The following PTPRK variants were observed in gnomAD, a reference collection of about 807,000 sequenced individuals.
PTPRK encodes protein tyrosine phosphatase receptor type K, also known as receptor-type tyrosine-protein phosphatase kappa.
Under a neutral mutation model 178.0 loss-of-function variants are expected in PTPRK, and 75 were observed. The ratio of observed to expected loss-of-function variants is 0.42; its 90% CI spans 0.35 to 0.51. PTPRK has a LOEUF of 0.51. PTPRK is among the 20% of genes least tolerant of loss of function. The probability of loss-of-function intolerance (pLI) is 0.02; values close to 1 mark genes in which losing one functional copy is unlikely to be tolerated. For missense variants in PTPRK, 1,441 were observed against 1,797.8 expected, an observed-to-expected ratio of 0.80 and a Z score of 3.59; for synonymous variants, 637 against 620.6, an observed-to-expected ratio of 1.03 and a Z score of -0.39.
At chr6:128,184,905 G>C (rs938467767) in intron 6 of PTPRK, among the ~76,000 whole-genome samples, 180 bp from the exon 7 acceptor site, 1 of 152,072 alleles carries the variant, frequency 6.6e-6, no homozygotes, top group South Asian at 2.1e-4. Flanking sequence ...ATATAATTTT[G>C]CAAGTGCATA....
chr6:128,190,846 A>G (rs1044666772), intron 6 of PTPRK, among the ~76,000 whole-genome samples: 23 of 152,298 alleles, frequency 1.5e-4, no homozygotes, highest in African/African-American at 5.3e-4. Context: ...ATAAGCTTGT[A>G]CTGGTCAAAT....
At chr6:127,971,033 T>C (rs897108249) in intron 29 of PTPRK, among the ~76,000 whole-genome samples, 1 of 152,188 alleles carries the variant, frequency 6.6e-6, no homozygotes, top group African/African-American at 2.4e-5. Context: ...ACTGTTTTTG[T>C]CCATCAGAGT....
At chr6:128,213,883 A>G (rs954914438) in intron 6 of PTPRK, among the ~76,000 whole-genome samples, 1 of 152,082 alleles carries the variant, frequency 6.6e-6, no homozygotes, top group African/African-American at 2.4e-5. Context: ...TTAATAACCC[A>G]CTTGACAAAG....
At chr6:128,139,520 G>C (rs1286587044) in intron 7 of PTPRK, among the ~76,000 whole-genome samples, 1 of 152,044 alleles carries the variant, frequency 6.6e-6, no homozygotes, top group Non-Finnish European at 1.5e-5. Context: ...GAACAAAGAA[G>C]TGTGAAACTT....
At chr6:128,431,514 G>A (rs1176477940) in intron 1 of PTPRK, among the ~76,000 whole-genome samples, 3 of 152,054 alleles carry the variant, frequency 2.0e-5, no homozygotes, top group African/African-American at 7.2e-5. Context: ...AAAAAAATAT[G>A]GTTTAGAATT....
At chr6:127,997,055 T>G in intron 16 of PTPRK, 67 bp from the exon 17 acceptor site, 2 of 1,513,368 alleles carry the variant, frequency 1.3e-6, no homozygotes, top group Non-Finnish European at 1.8e-6. Flanking sequence ...TTATCTGTTC[T>G]GAAGCCCCAA....
At chr6:128,332,132 T>G (rs1830360439) in intron 2 of PTPRK, among the ~76,000 whole-genome samples, 1 of 152,110 alleles carries the variant, frequency 6.6e-6, no homozygotes, top group African/African-American at 2.4e-5. Context: ...AAGCATTGTT[T>G]TATAGTTTAA....
chr6:128,082,726 G>T, intron 9 of PTPRK, 88 bp from the exon 10 acceptor site: 1 of 951,426 alleles, frequency 1.1e-6, no homozygotes, highest in Non-Finnish European at 1.5e-6. Context: ...AGTATGCAAG[G>T]GCATCCATGT....
At chr6:128,036,699 T>C (rs1015978593) in intron 13 of PTPRK, among the ~76,000 whole-genome samples, 1 of 151,818 alleles carries the variant, frequency 6.6e-6, no homozygotes, top group African/African-American at 2.4e-5. Context: ...CCTTGATCAT[T>C]TTGAAAATAA....
chr6:128,246,234 TTTG>T (rs1815433203), intron 3 of PTPRK, among the ~76,000 whole-genome samples: 2 of 152,154 alleles, frequency 1.3e-5, no homozygotes, highest in Admixed American at 6.5e-5. Context: ...TTATTTCAGT[TTTG>T]TTGTCAGTAT....
chr6:128,441,460 A>C (rs755246581), intron 1 of PTPRK, among the ~76,000 whole-genome samples: 3 of 152,142 alleles, frequency 2.0e-5, no homozygotes, highest in South Asian at 2.1e-4. Flanking sequence ...CAAAAAAAAA[A>C]CAAAGATTAG....
chr6:128,145,226 G>A (rs1240073607), intron 7 of PTPRK, among the ~76,000 whole-genome samples: 1 of 151,940 alleles, frequency 6.6e-6, no homozygotes, highest in South Asian at 2.1e-4. Context: ...AATTTGTTAA[G>A]AGGGTAGTTC....
intron 3 of PTPRK, among the ~76,000 whole-genome samples, chr6:128,317,242 C>G (rs1004462470): frequency 6.6e-6 from 1 of 152,094 alleles, no homozygotes; most frequent in East Asian, 1.9e-4. Context: ...TTCAACTGTG[C>G]ATGAAGGTAA....
In PTPRK at chr6:128,078,839, T is replaced by C; in HGVS notation, c.1857A>G (p.Pro619=). The C allele has an allele frequency of 1.2e-6, 2 of 1,611,756 alleles. No homozygotes were observed. Among genetic ancestry groups the C allele is most frequent in the East Asian group, 2.2e-5 (1 of 44,846 alleles). Residue 619 remains proline (P), a synonymous_variant, in exon 11 of 30, where the codon CCA becomes CCG. Coordinates refer to ENST00000368226, the MANE Select transcript of PTPRK (RefSeq NM_002844.4). ...TGATAGGAGCACCTTTGGCTTGTGCTGGTCTCAACAATACAGTTATTGTGG... is the reference window on the plus strand; with the variant it reads ...TGATAGGAGCACCTTTGGCTTGTGCCGGTCTCAACAATACAGTTATTGTGG... ...TATTITVLLR[P]AQAKGAPISA...
chr6:128,513,129 T>C (rs1406385896), intron 1 of PTPRK, among the ~76,000 whole-genome samples: 1 of 152,186 alleles, frequency 6.6e-6, no homozygotes, highest in Non-Finnish European at 1.5e-5. Context: ...AAAGCTTGTA[T>C]AGTACTGTTG....
chr6:128,267,837 G>A (rs1819196578), intron 3 of PTPRK, among the ~76,000 whole-genome samples: 1 of 152,050 alleles, frequency 6.6e-6, no homozygotes, highest in Admixed American at 6.6e-5. Flanking sequence ...TTAAATTGGA[G>A]ACTTCTGGAA....
At chr6:128,347,566 T>C (rs936734766) in intron 2 of PTPRK, among the ~76,000 whole-genome samples, 1 of 152,158 alleles carries the variant, frequency 6.6e-6, no homozygotes, top group East Asian at 1.9e-4. Context: ...GGGACCTTTA[T>C]GGTTTTCATT....
chr6:128,294,424 T>C (rs1201679131), intron 3 of PTPRK, among the ~76,000 whole-genome samples: 1 of 152,064 alleles, frequency 6.6e-6, no homozygotes, highest in Non-Finnish European at 1.5e-5. Context: ...CTGTTTCATA[T>C]CTATTTCTCT....
intron 5 of PTPRK, among the ~76,000 whole-genome samples, chr6:128,220,646 A>C (rs1263120513): frequency 6.6e-6 from 1 of 152,194 alleles, no homozygotes; most frequent in Non-Finnish European, 1.5e-5. Flanking sequence ...TTCTACTTCT[A>C]GGTTTCCACA....
Sources: gnomAD v4.1 joint callset for allele counts (sites outside exome capture counted in the v4.1 genomes callset) on GRCh38, gnomAD v4.1.1 for gene constraint, MANE v1.5 for transcripts, NCBI Gene and HGNC (gene_info 2026-07-23, HGNC 2026-07-21) for gene names.